TAB2: variants seen among roughly 807,000 people sequenced by gnomAD.
TAB2 encodes the protein TGF-beta-activated kinase 1 and MAP3K7-binding protein 2.
Under a neutral mutation model 65.0 loss-of-function variants are expected in TAB2, and 3 were observed. The ratio of observed to expected loss-of-function variants is 0.05; its 90% CI spans 0.02 to 0.12. TAB2 has a LOEUF of 0.12. TAB2 is among the 10% of genes least tolerant of loss of function. The pLI is 1.00. For synonymous variants in TAB2, 298 were observed against 285.1 expected (o/e 1.05, Z -0.46); for missense variants, 623 against 840.3 (o/e 0.74, Z 3.20).
intron 1 of TAB2, among the ~76,000 whole-genome samples, chr6:149,254,951 C>A (rs1222650394): frequency 2.0e-5 from 3 of 152,078 alleles, no homozygotes; most frequent in African/African-American, 7.2e-5. Flanking sequence ...GGACTTTAGA[C>A]CTTAAAGTTG....
At chr6:149,256,776 C>A (rs1044718722) in intron 1 of TAB2, among the ~76,000 whole-genome samples, 17 of 152,194 alleles carry the variant, frequency 1.1e-4, no homozygotes, top group Non-Finnish European at 2.1e-4. Flanking sequence ...TAGAAAATTA[C>A]AGCCTTTATA....
intron 1 of TAB2, among the ~76,000 whole-genome samples, chr6:149,282,004 A>G (rs928906547): frequency 6.6e-6 from 1 of 152,210 alleles, no homozygotes; most frequent in Non-Finnish European, 1.5e-5. Context: ...TGCATTTCTT[A>G]TAAAACCAGC....
chr6:149,342,229 C>T (rs1780152802), intron 1 of TAB2, among the ~76,000 whole-genome samples: 1 of 152,034 alleles, frequency 6.6e-6, no homozygotes, highest in Admixed American at 6.6e-5. Context: ...TCTTAAGAAA[C>T]CCCTGGGAAT....
intron 6 of TAB2, among the ~76,000 whole-genome samples, chr6:149,409,260 A>T (rs1782763530): frequency 6.6e-6 from 1 of 152,214 alleles, no homozygotes; most frequent in Non-Finnish European, 1.5e-5. Context: ...AGCTTTTTAC[A>T]ATCTTGAGTG....
chr6:149,290,570 A>G (rs1041858333), intron 1 of TAB2, among the ~76,000 whole-genome samples: 2 of 152,180 alleles, frequency 1.3e-5, no homozygotes, highest in Non-Finnish European at 2.9e-5. Flanking sequence ...TAGGCTGGGC[A>G]TGGTGGCTCA....
At chr6:149,320,745 G>A (rs1562414016) in intron 1 of TAB2, among the ~76,000 whole-genome samples, 1 of 151,918 alleles carries the variant, frequency 6.6e-6, no homozygotes, top group Non-Finnish European at 1.5e-5. Context: ...TTTTTGCCTT[G>A]TTATAGATAT....
At chr6:149,294,238 T>C (rs1344849230) in intron 1 of TAB2, among the ~76,000 whole-genome samples, 1 of 152,226 alleles carries the variant, frequency 6.6e-6, no homozygotes, top group Non-Finnish European at 1.5e-5. Context: ...GATTGGTTCC[T>C]ACTGAAGGCT....
intron 1 of TAB2, among the ~76,000 whole-genome samples, chr6:149,334,512 C>G (rs542420839): frequency 2.1e-4 from 32 of 152,194 alleles, no homozygotes; most frequent in African/African-American, 7.5e-4. Flanking sequence ...GACCCCATCT[C>G]TAATAAAAAT....
chr6:149,271,663 A>C (rs2114676292), intron 1 of TAB2, among the ~76,000 whole-genome samples: 1 of 152,260 alleles, frequency 6.6e-6, no homozygotes, highest in East Asian at 1.9e-4. Context: ...TGAACTATTT[A>C]GCTGGACAAT....
At chr6:149,271,022 A>G (rs1430891539) in intron 1 of TAB2, among the ~76,000 whole-genome samples, 1 of 151,450 alleles carries the variant, frequency 6.6e-6, no homozygotes, top group African/African-American at 2.4e-5. Context: ...ATGTCGCTCT[A>G]TCTCTCTGCA....
At chr6:149,325,049 T>C (rs560925942) in intron 1 of TAB2, among the ~76,000 whole-genome samples, 8 of 152,160 alleles carry the variant, frequency 5.3e-5, no homozygotes, top group African/African-American at 1.9e-4. Flanking sequence ...TTGATCTCTT[T>C]GTTAATTTTT....
Position 149,379,237 on chromosome 6 carries a change from G to A in TAB2, c.1322G>A (p.Arg441Gln), listed in dbSNP as rs1781521414. Residue 441 changes from arginine to glutamine, a missense_variant, in exon 3 of 7, where the codon CGA becomes CAA. Transcript: ENST00000637181. Reference protein sequence around the residue: ...AFIHHHPPKSRAIGNNSATSP... With the variant: ...AFIHHHPPKSQAIGNNSATSP... Reference sequence around the variant, plus strand: ...ATTCATCACCATCCTCCCAAAAGTCGAGCAATAGGCAATAACTCTGCAACC... The same window carrying A: ...ATTCATCACCATCCTCCCAAAAGTCAAGCAATAGGCAATAACTCTGCAACC... The A allele has an allele frequency of 1.9e-6, 3 of 1,614,094 alleles. No individual in the cohort carries two copies. The highest frequency in any genetic ancestry group is 2.5e-6 in the Non-Finnish European group (3 of 1,180,032).
At chr6:149,306,244 A>G (rs1044434025) in intron 1 of TAB2, among the ~76,000 whole-genome samples, 2 of 151,968 alleles carry the variant, frequency 1.3e-5, no homozygotes, top group African/African-American at 4.8e-5. Context: ...CATCTCTACT[A>G]AAAATACAAA....
At chr6:149,283,167 G>T (rs961633474) in intron 1 of TAB2, among the ~76,000 whole-genome samples, 1 of 152,162 alleles carries the variant, frequency 6.6e-6, no homozygotes, top group Non-Finnish European at 1.5e-5. Context: ...CTGCTCTCCC[G>T]CTAGGGTTGG....
At position 149,409,836 on chromosome 6, in the gene TAB2, T is replaced by C; in HGVS notation, c.*117T>C. ...TTGTCAAATTGAAGGTGTGACAAGATGGTGTTCTGCTAATGTTAAATGTCA... is the reference window on the plus strand; with the variant it reads ...TTGTCAAATTGAAGGTGTGACAAGACGGTGTTCTGCTAATGTTAAATGTCA... On this transcript the variant is annotated 3_prime_UTR_variant, in exon 7 of 7. Transcript: ENST00000637181. 8.5e-7 allele frequency: 1 copy of C among 1,175,084 alleles called. No homozygotes were observed. The highest frequency in any genetic ancestry group is 1.2e-5 in the South Asian group (1 of 80,686). 72.8% of individuals were successfully genotyped at this position (1,175,084 alleles called of 1,614,324 possible).
At chr6:149,274,249 G>C (rs748429310) in intron 1 of TAB2, among the ~76,000 whole-genome samples, 1 of 152,224 alleles carries the variant, frequency 6.6e-6, no homozygotes, top group Non-Finnish European at 1.5e-5. Flanking sequence ...AGGAGCAACT[G>C]ACCCGGTTAA....
At chr6:149,283,319 A>G (rs1778609972) in intron 1 of TAB2, among the ~76,000 whole-genome samples, 1 of 152,246 alleles carries the variant, frequency 6.6e-6, no homozygotes, top group Admixed American at 6.5e-5. Context: ...GCAGTAAGTT[A>G]TATCTTCATA....
chr6:149,371,217 T>C (rs1374262309), intron 2 of TAB2, among the ~76,000 whole-genome samples: 1 of 152,166 alleles, frequency 6.6e-6, no homozygotes, highest in Non-Finnish European at 1.5e-5. Context: ...TTATCACCAT[T>C]ATCACCTTTT....
At chr6:149,401,962 T>C (rs1359103737) in intron 6 of TAB2, among the ~76,000 whole-genome samples, 1 of 146,368 alleles carries the variant, frequency 6.8e-6, no homozygotes, top group Non-Finnish European at 1.5e-5. Context: ...AAGGCAGTAC[T>C]AAGAGAGAAG....
Sources: allele counts gnomAD v4.1 joint callset (sites outside exome capture counted in the v4.1 genomes callset), GRCh38; gene constraint gnomAD v4.1.1; transcripts MANE v1.5; gene names NCBI Gene and HGNC (gene_info 2026-07-23, HGNC 2026-07-21).